SRGAP2: variants seen among roughly 807,000 people sequenced by gnomAD.
SRGAP2 encodes SLIT-ROBO Rho GTPase activating protein 2, also known as SLIT-ROBO Rho GTPase-activating protein 2.
In SRGAP2, 15 loss-of-function variants were observed where a neutral mutation model predicts 57.2. That is an observed-to-expected ratio of 0.26 (90% CI 0.18 to 0.40). SRGAP2 has a LOEUF of 0.40. SRGAP2 is among the 10% of genes least tolerant of loss of function. SRGAP2 has a pLI of 1.00. For missense variants in SRGAP2, 520 were observed against 669.6 expected, an observed-to-expected ratio of 0.78 and a Z score of 2.47; for synonymous variants, 249 against 248.0, an observed-to-expected ratio of 1.00 and a Z score of -0.04.
intron 3 of SRGAP2, among the ~76,000 whole-genome samples, chr1:206,307,180 T>C (rs1424758338): frequency 1.3e-5 from 2 of 152,260 alleles, no homozygotes; most frequent in African/African-American, 2.4e-5. Flanking sequence ...TTGAGCTAGA[T>C]ATAGAGTGCC....
rs375664574 is a variant in SRGAP2 at position 206,421,303 on chromosome 1, C to A, written c.1494+29C>A. The A allele has an allele frequency of 6.5e-5, 50 of 771,906 alleles. No homozygotes were observed. In the African/African-American group the frequency reaches 7.6e-4, roughly 12 times the overall value. The allele number at this position is 771,906 out of a possible 1,614,324, so 47.8% of individuals were successfully genotyped here. On this transcript the variant is annotated intron_variant, in intron 13 of 22. Coordinates refer to ENST00000573034, the MANE Select transcript of SRGAP2 (RefSeq NM_015326.5). ...AGGGCCCAAGCGGGGCCAGGCTGGT[C>A]TGGCCTGAAAATATAGTCCATCCCA...
In SRGAP2 at chr1:206,221,421, A is replaced by C. The variant is rs182956088; in HGVS notation, c.67+15384A>C. ...TTTTTTCCGGTTCTGGAGGCTGGGA[A>C]GTCCAAGATTGAGGGCTGAATCTGG... On this transcript the variant is annotated intron_variant, in intron 2 of 22. Coordinates refer to ENST00000573034, the MANE Select transcript of SRGAP2 (RefSeq NM_015326.5). 7.5e-3 allele frequency among the ~76,000 whole-genome samples: 1,136 copies of C among 152,142 alleles called. 13 individuals carry two copies. The highest frequency in any genetic ancestry group is 0.026 in the African/African-American group (1,065 of 41,490).
At chr1:206,418,888 C>CTCTGTGTGTG (rs1553363092) in intron 11 of SRGAP2, among the ~76,000 whole-genome samples, 85 of 136,642 alleles carry the variant, frequency 6.2e-4, no homozygotes, top group Admixed American at 1.1e-3. Context: ...CCAACTCTCT[C>CTCTGTGTGTG]TGTGTGTGTG....
chr1:206,433,351 T>C (rs1558427979), intron 14 of SRGAP2, among the ~76,000 whole-genome samples: 1 of 152,056 alleles, frequency 6.6e-6, no homozygotes. Flanking sequence ...AAAAGATAAA[T>C]AAACAAGCCA....
chr1:206,286,037 G>GA (rs1671005301), intron 2 of SRGAP2, among the ~76,000 whole-genome samples: 1 of 151,512 alleles, frequency 6.6e-6, no homozygotes, highest in African/African-American at 2.4e-5. Flanking sequence ...TAGCAATATT[G>GA]AAAAAAATAT....
chr1:206,422,831 G>C (rs983671537), intron 13 of SRGAP2, among the ~76,000 whole-genome samples: 1 of 152,210 alleles, frequency 6.6e-6, no homozygotes, highest in African/African-American at 2.4e-5. Flanking sequence ...TTGCGTAGGA[G>C]TTACAAGATA....
At chr1:206,374,019 CTTTTTTTTTTTTT>C (rs56021600) in intron 4 of SRGAP2, among the ~76,000 whole-genome samples, 1 of 77,012 alleles carries the variant, frequency 1.3e-5, no homozygotes, top group Non-Finnish European at 2.3e-5. Flanking sequence ...GATACACATT[CTTTTTTTTTTTTT>C]TTTTTTTTTT....
At chr1:206,252,307 T>C (rs1292194324) in intron 2 of SRGAP2, among the ~76,000 whole-genome samples, 8 of 151,954 alleles carry the variant, frequency 5.3e-5, no homozygotes, top group African/African-American at 1.9e-4. Flanking sequence ...CAGTTTAAAA[T>C]TGGTGCCTTA....
chr1:206,385,646 T>C (rs1325630385), intron 5 of SRGAP2, among the ~76,000 whole-genome samples: 1 of 150,802 alleles, frequency 6.6e-6, no homozygotes, highest in African/African-American at 2.5e-5. Flanking sequence ...TGTCTCTTCA[T>C]ATGCTGTGCT....
intron 4 of SRGAP2, among the ~76,000 whole-genome samples, chr1:206,370,098 TA>T (rs1486391669): frequency 6.6e-6 from 1 of 150,640 alleles, no homozygotes; most frequent in Non-Finnish European, 1.5e-5. Context: ...ACCCTGCCTC[TA>T]CTAAAAATAC....
intron 4 of SRGAP2, among the ~76,000 whole-genome samples, chr1:206,366,448 G>A (rs1206325350): frequency 3.3e-5 from 5 of 151,754 alleles, no homozygotes; most frequent in African/African-American, 1.2e-4. Context: ...AAATATGGCC[G>A]TGACCTGCAG....
At chr1:206,340,526 A>C (rs1176123062) in intron 3 of SRGAP2, among the ~76,000 whole-genome samples, 3 of 152,122 alleles carry the variant, frequency 2.0e-5, no homozygotes, top group Non-Finnish European at 4.4e-5. Context: ...GACCCCCCCC[A>C]ATCCATCTTC....
rs782331722 is a variant in SRGAP2 at position 206,458,656 on chromosome 1, G to A, written c.2541G>A (p.Arg847=). The A allele has an allele frequency of 9.1e-6, 7 of 770,300 alleles. No homozygotes were observed. The East Asian group carries it at 1.7e-4, about 19-fold the overall frequency. The allele number at this position is 770,300 out of a possible 1,614,324, so 47.7% of individuals were successfully genotyped here. ...AGCGTCCAGAATCTGGGAGCATCCG[G>A]AAAACTTTTCGGAGTGACAGCCATG... is the stretch of plus-strand genomic sequence containing the variant. The part of the protein sequence containing the change: ...QRKRPESGSI[R]KTFRSDSHGL... The change falls in exon 22 of 23, where the codon CGG becomes CGA. Residue 847 remains arginine (R), a synonymous_variant. Transcript: ENST00000573034.
chr1:206,386,895 T>C (rs1450867447), intron 5 of SRGAP2, among the ~76,000 whole-genome samples: 9 of 144,516 alleles, frequency 6.2e-5, no homozygotes, highest in East Asian at 4.2e-4. Flanking sequence ...GAGGCTGAGG[T>C]GGGCGGATCA....
intron 10 of SRGAP2, among the ~76,000 whole-genome samples, chr1:206,410,055 C>T (rs550140001): frequency 3.9e-4 from 59 of 152,182 alleles, no homozygotes; most frequent in Non-Finnish European, 7.1e-4. Context: ...GAGCCGAGAT[C>T]GTGCCATTGC....
chr1:206,366,358 G>T (rs546034182), intron 4 of SRGAP2, among the ~76,000 whole-genome samples: 5 of 152,338 alleles, frequency 3.3e-5, no homozygotes, highest in Admixed American at 3.3e-4. Flanking sequence ...AGTGTCAAGG[G>T]GGGTGGAGAG....
At chr1:206,372,842 GA>G (rs1412128058) in intron 4 of SRGAP2, among the ~76,000 whole-genome samples, 3 of 87,632 alleles carry the variant, frequency 3.4e-5, no homozygotes, top group Non-Finnish European at 6.7e-5. Flanking sequence ...AAAGTGATAG[GA>G]AAAGATAGCT....
At chr1:206,340,637 A>G (rs1376503806) in intron 3 of SRGAP2, among the ~76,000 whole-genome samples, 1 of 150,268 alleles carries the variant, frequency 6.7e-6, no homozygotes, top group Non-Finnish European at 1.5e-5. Context: ...TCTTGCCGAG[A>G]GACACCACTT....
chr1:206,207,641 T>C (rs1348769373), intron 2 of SRGAP2: 1 of 146,292 alleles, frequency 6.8e-6, no homozygotes, highest in Non-Finnish European at 1.5e-5. Context: ...TTTTTTTTTT[T>C]AACACATCCT....
Sources: allele counts gnomAD v4.1 joint callset (sites outside exome capture counted in the v4.1 genomes callset), GRCh38; gene constraint gnomAD v4.1.1; transcripts MANE v1.5; gene names NCBI Gene and HGNC (gene_info 2026-07-23, HGNC 2026-07-21).